Variants in OR52E5 observed in about 807,000 individuals in gnomAD.
OR52E5 encodes the protein olfactory receptor family 52 subfamily E member 5.
intron 2 of OR52E5, among the ~76,000 whole-genome samples, chr11:5,897,047 T>C (rs142340858): frequency 2.0e-5 from 3 of 152,280 alleles, no homozygotes; most frequent in Non-Finnish European, 4.4e-5. Flanking sequence ...GGGCAGGGGA[T>C]AGATGTAAAT....
At chr11:5,897,028 C>T (rs930335890) in intron 2 of OR52E5, among the ~76,000 whole-genome samples, 5 of 152,294 alleles carry the variant, frequency 3.3e-5, no homozygotes, top group Admixed American at 1.3e-4. Flanking sequence ...TCTGACAGAT[C>T]GGATGCTGGG....
chr11:5,896,246 TAAA>T (rs56197568), intron 2 of OR52E5, among the ~76,000 whole-genome samples: 21 of 53,552 alleles, frequency 3.9e-4, no homozygotes, highest in African/African-American at 1.7e-3. Flanking sequence ...TCGTCTCTAC[TAAA>T]AAAAAAAAAA....
intron 2 of OR52E5, among the ~76,000 whole-genome samples, chr11:5,898,396 C>T (rs908831178): frequency 5.3e-5 from 8 of 152,268 alleles, no homozygotes; most frequent in African/African-American, 1.9e-4. Context: ...TGTCTGTTTA[C>T]TCTGTGAATT....
In OR52E5 at chr11:5,901,841, T is replaced by C. The variant is rs1483569470; in HGVS notation, c.*81T>C. The C allele has an allele frequency of 5.0e-6, 2 of 399,308 alleles. No homozygotes were observed. Among genetic ancestry groups the C allele is most frequent in the Non-Finnish European group, 8.9e-6 (2 of 225,876 alleles). 24.7% of individuals were successfully genotyped at this position (399,308 alleles called of 1,614,324 possible). On this transcript the variant is annotated 3_prime_UTR_variant, in exon 3 of 3. Coordinates refer to ENST00000610445, the MANE Select transcript of OR52E5 (RefSeq NM_001005166.5). ...TCCCACATGAGCCAATAGCATTATA[T>C]CCCCTACAACGTCTCATGATTTCAG... is the stretch of plus-strand genomic sequence containing the variant.
intron 1 of OR52E5, among the ~76,000 whole-genome samples, chr11:5,894,361 T>G (rs1489521828): frequency 2.0e-5 from 3 of 152,162 alleles, no homozygotes; most frequent in Admixed American, 6.6e-5. Context: ...CTGATGCTAT[T>G]GGTCCAGGGA....
chr11:5,894,544 G>A (rs539006963), intron 1 of OR52E5, among the ~76,000 whole-genome samples: 142 of 152,274 alleles, frequency 9.3e-4, no homozygotes, highest in Non-Finnish European at 1.8e-3. Context: ...AGCTAGACAG[G>A]AAAGTCTCCT....
At chr11:5,898,817 T>G (rs1319973588) in intron 2 of OR52E5, among the ~76,000 whole-genome samples, 4 of 152,218 alleles carry the variant, frequency 2.6e-5, no homozygotes, top group African/African-American at 9.6e-5. Flanking sequence ...TTTCCAGCAA[T>G]GCCATGCTGT....
chr11:5,900,547 C>A, intron 2 of OR52E5, 85 bp from the exon 3 acceptor site: 2 of 358,032 alleles, frequency 5.6e-6, no homozygotes, highest in Non-Finnish European at 5.0e-6. Flanking sequence ...ATTTTGGAAA[C>A]TTTCTGCATG....
At chr11:5,900,312 A>C (rs190689057) in intron 2 of OR52E5, among the ~76,000 whole-genome samples, 35 of 152,170 alleles carry the variant, frequency 2.3e-4, no homozygotes, top group African/African-American at 8.2e-4. Flanking sequence ...TCTCAGATCT[A>C]ATTTGCAAGA....
chr11:5,895,509 C>T, intron 1 of OR52E5, 123 bp from the exon 2 acceptor site: 1 of 152,116 alleles, frequency 6.6e-6, no homozygotes, highest in Non-Finnish European at 1.5e-5. Flanking sequence ...AAACAAAATT[C>T]TCTATAGCTT....
chr11:5,894,401 G>GT (rs1424653588), intron 1 of OR52E5, among the ~76,000 whole-genome samples: 3 of 151,980 alleles, frequency 2.0e-5, no homozygotes, highest in African/African-American at 7.3e-5. Context: ...GATAACTCAC[G>GT]TAACAGAAAG....
chr11:5,900,889 T>C lies in OR52E5; in HGVS notation c.113T>C (p.Leu38Pro). 1 of 401,316 alleles carries C rather than the reference T, an allele frequency of 2.5e-6. No homozygotes were observed. The highest frequency in any genetic ancestry group is 4.4e-6 in the Non-Finnish European group (1 of 226,260). 24.9% of individuals were successfully genotyped at this position (401,316 alleles called of 1,614,324 possible). Reference protein sequence around the residue: ...WIGFPFFAVYLTALLGNIIIL... With the variant: ...WIGFPFFAVYPTALLGNIIIL... ...GGCTTCCCCTTCTTTGCAGTGTATCTAACAGCCCTTCTAGGGAACATCATT... is the reference window on the plus strand; with the variant it reads ...GGCTTCCCCTTCTTTGCAGTGTATCCAACAGCCCTTCTAGGGAACATCATT... The change falls in exon 3 of 3, where the codon CTA (leucine) becomes CCA (proline). Residue 38 changes from leucine (L) to proline (P), a missense_variant. Leu to Pro is a moderately conservative substitution (Grantham distance 98). Transcript: ENST00000610445.
intron 2 of OR52E5, among the ~76,000 whole-genome samples, chr11:5,897,198 T>C (rs1735881110): frequency 6.6e-6 from 1 of 152,310 alleles, no homozygotes; most frequent in Admixed American, 6.5e-5. Context: ...TATTGCATAA[T>C]GCTGGGGCAT....
rs917116257 is a variant in OR52E5 at position 5,901,877 on chromosome 11, T to G, written c.*117T>G. On this transcript the variant is annotated 3_prime_UTR_variant, in exon 3 of 3. Coordinates refer to ENST00000610445, the MANE Select transcript of OR52E5 (RefSeq NM_001005166.5). ...GTCTCATGATTTCAGTACGGTCTGT[T>G]GGAAGTTATAGCTCAAAGATTCCAA... 4.1e-4 allele frequency: 165 copies of G among 399,130 alleles called. No homozygotes were observed. The highest frequency in any genetic ancestry group is 3.2e-3 in the African/African-American group (156 of 48,754). The allele number at this position is 399,130 out of a possible 1,614,324, so 24.7% of individuals were successfully genotyped here. A position where few individuals can be genotyped will look rare whatever the true frequency, so the allele number is the denominator to read the frequency against.
rs1261987244 is a variant in OR52E5, at chr11:5,901,928, A to G, written c.*168A>G. On this transcript the variant is annotated 3_prime_UTR_variant, in exon 3 of 3. Transcript: ENST00000610445. ...AACAATCTCTCTGTTTCACCCATTA[A>G]AAGTGCAAAAAGTACTCACACTTAA... is the stretch of plus-strand genomic sequence containing the variant. The G allele has an allele frequency of 5.1e-6, 2 of 394,478 alleles. No homozygotes were observed. Among genetic ancestry groups the G allele is most frequent in the Non-Finnish European group, 9.0e-6 (2 of 222,372 alleles). 24.4% of individuals were successfully genotyped at this position (394,478 alleles called of 1,614,324 possible). A position where few individuals can be genotyped will look rare whatever the true frequency, so the allele number is the denominator to read the frequency against.
chr11:5,894,697 TAAAG>T (rs1391107658), intron 1 of OR52E5, among the ~76,000 whole-genome samples: 3 of 152,182 alleles, frequency 2.0e-5, no homozygotes, highest in Non-Finnish European at 4.4e-5. Context: ...TTTTATGGAA[TAAAG>T]ACTTTTTTCA....
At chr11:5,894,575 AAG>A (rs1440723341) in intron 1 of OR52E5, among the ~76,000 whole-genome samples, 2 of 152,206 alleles carry the variant, frequency 1.3e-5, no homozygotes, top group African/African-American at 4.8e-5. Context: ...AATATGAAGA[AAG>A]ACATAGAGAA....
intron 2 of OR52E5, among the ~76,000 whole-genome samples, chr11:5,900,035 C>A (rs992174645): frequency 6.6e-6 from 1 of 152,034 alleles, no homozygotes; most frequent in East Asian, 1.9e-4. Context: ...TTATATAATG[C>A]GAAATGGAGA....
chr11:5,899,414 C>T (rs1307633746), intron 2 of OR52E5, among the ~76,000 whole-genome samples: 4 of 152,178 alleles, frequency 2.6e-5, no homozygotes, highest in Non-Finnish European at 4.4e-5. Flanking sequence ...CAATTCCACA[C>T]CATGAAATTG....
Sources: gnomAD v4.1 joint callset for allele counts (sites outside exome capture counted in the v4.1 genomes callset) on GRCh38, gnomAD v4.1.1 for gene constraint, MANE v1.5 for transcripts, NCBI Gene and HGNC (gene_info 2026-07-23, HGNC 2026-07-21) for gene names.